Variants in MBNL2 observed in about 807,000 individuals in gnomAD.
MBNL2 encodes muscleblind-like protein 2.
A neutral mutation model predicts 41.9 loss-of-function variants in MBNL2; 17 were observed. That is an observed-to-expected ratio of 0.41 (90% CI 0.28 to 0.61). The LOEUF (loss-of-function observed/expected upper bound fraction) is 0.61, where lower values mean the gene tolerates loss of function less well. Ranked by LOEUF, MBNL2 falls within the 20% of genes least tolerant of loss-of-function variation. MBNL2 has a pLI of 0.35. For missense variants in MBNL2, 336 were observed against 505.6 expected (o/e 0.66, Z 3.22); for synonymous variants, 195 against 182.9 (o/e 1.07, Z -0.53).
the MBNL2 span, among the ~76,000 whole-genome samples, chr13:97,160,332 T>A: frequency 6.6e-6 from 1 of 152,172 alleles, no homozygotes; most frequent in African/African-American, 2.4e-5. Context: ...AAGAAGCCCC[T>A]CCAATAAATC....
intron 8 of MBNL2, among the ~76,000 whole-genome samples, chr13:97,381,263 G>A (rs918422549): frequency 3.3e-5 from 5 of 152,104 alleles, no homozygotes; most frequent in Admixed American, 6.6e-5. Flanking sequence ...AAAGACACAT[G>A]TCCAAGTCCA....
At chr13:97,257,014 A>AT (rs1256800466) in intron 1 of MBNL2, among the ~76,000 whole-genome samples, 2 of 152,224 alleles carry the variant, frequency 1.3e-5, no homozygotes, top group Non-Finnish European at 2.9e-5. Flanking sequence ...TGGCAAAATA[A>AT]TACTTTAAAT....
At chr13:97,365,825 A>G (rs1046395235) in intron 8 of MBNL2, among the ~76,000 whole-genome samples, 1 of 152,178 alleles carries the variant, frequency 6.6e-6, no homozygotes, top group African/African-American at 2.4e-5. Context: ...AGTCAAGAAA[A>G]AGAAACATTG....
chr13:97,149,889 G>A, the MBNL2 span, among the ~76,000 whole-genome samples: 3 of 152,134 alleles, frequency 2.0e-5, no homozygotes, highest in East Asian at 1.9e-4. Context: ...CAGGGGAGTC[G>A]TTCTCCCAGA....
the MBNL2 span, among the ~76,000 whole-genome samples, chr13:97,208,157 A>G: frequency 6.6e-6 from 1 of 152,210 alleles, no homozygotes; most frequent in Non-Finnish European, 1.5e-5. Flanking sequence ...TTCTTGCAGG[A>G]CTTCTCAAAG....
chr13:97,313,456 A>T (rs567479210), intron 2 of MBNL2, among the ~76,000 whole-genome samples: 12 of 152,308 alleles, frequency 7.9e-5, no homozygotes, highest in Non-Finnish European at 1.6e-4. Flanking sequence ...TTTAAAAAAG[A>T]TCTTATTGAA....
the MBNL2 span, among the ~76,000 whole-genome samples, chr13:97,198,667 G>T: frequency 6.6e-6 from 1 of 151,594 alleles, no homozygotes; most frequent in Non-Finnish European, 1.5e-5. Flanking sequence ...CTTCTCATTC[G>T]CAGTAAATGG....
chr13:97,253,641 CAT>C (rs909671663), intron 1 of MBNL2, among the ~76,000 whole-genome samples: 29 of 152,120 alleles, frequency 1.9e-4, no homozygotes, highest in African/African-American at 7.0e-4. Flanking sequence ...GAAAATTAAA[CAT>C]GTTTCAAATT....
chr13:97,365,811 T>G (rs1305832988), intron 8 of MBNL2, among the ~76,000 whole-genome samples: 2 of 152,134 alleles, frequency 1.3e-5, no homozygotes, highest in Non-Finnish European at 2.9e-5. Context: ...TTAGATCTAT[T>G]TAGAGTCAAG....
At chr13:97,277,918 G>T (rs1444833292) in intron 2 of MBNL2, among the ~76,000 whole-genome samples, 1 of 152,120 alleles carries the variant, frequency 6.6e-6, no homozygotes, top group Non-Finnish European at 1.5e-5. Context: ...AAACAAGTCT[G>T]TATTTGCCTC....
At chr13:97,256,897 A>G (rs1408348904) in intron 1 of MBNL2, among the ~76,000 whole-genome samples, 1 of 152,248 alleles carries the variant, frequency 6.6e-6, no homozygotes, top group Non-Finnish European at 1.5e-5. Context: ...AACAAGACAC[A>G]TTTCAGTAAG....
At chr13:97,261,410 G>A (rs951962843) in intron 1 of MBNL2, among the ~76,000 whole-genome samples, 3 of 151,970 alleles carry the variant, frequency 2.0e-5, no homozygotes, top group Admixed American at 6.5e-5. Flanking sequence ...CTCAACTGCC[G>A]TCACCTCCAT....
intron 2 of MBNL2, among the ~76,000 whole-genome samples, chr13:97,303,080 A>C (rs1288881615): frequency 6.6e-6 from 1 of 152,144 alleles, no homozygotes; most frequent in Admixed American, 6.5e-5. Context: ...TGCACTCTTC[A>C]TATGTGGCTT....
chr13:97,150,836 A>G, the MBNL2 span, among the ~76,000 whole-genome samples: 171 of 152,332 alleles, frequency 1.1e-3, no homozygotes, highest in African/African-American at 3.9e-3. Context: ...GTAGTTCAAG[A>G]CAGGTAACCT....
At chr13:97,262,477 A>C (rs373694568) in intron 1 of MBNL2, among the ~76,000 whole-genome samples, 1 of 151,360 alleles carries the variant, frequency 6.6e-6, no homozygotes, top group African/African-American at 2.4e-5. Context: ...GGTTTGCCTT[A>C]CTCCTCTTCC....
Position 97,334,437 on chromosome 13 carries a change from A to G in MBNL2, c.336A>G (p.Pro112=). 6.2e-7 allele frequency: 1 copy of G among 1,609,094 alleles called. No homozygotes were observed. Among genetic ancestry groups the G allele is most frequent in the Non-Finnish European group, 8.5e-7 (1 of 1,176,924 alleles). Residue 112 remains proline, a synonymous_variant, in exon 3 of 9, where the codon CCA becomes CCG. Transcript: ENST00000679496. The surrounding 1 kb of genome is among the most constrained non-coding windows in gnomAD (Gnocchi z 5.3). ...QFMFPGTPLH[P]VPTFPVGPAI... is the part of the protein sequence containing the mutation. ...TGTTTCCAGGAACACCACTTCATCC[A>G]GTGGTGAGTACATCTTTATTCAGTG... is the stretch of plus-strand genomic sequence containing the variant.
intron 2 of MBNL2, among the ~76,000 whole-genome samples, chr13:97,311,311 A>C (rs1216910488): frequency 6.6e-6 from 1 of 152,212 alleles, no homozygotes; most frequent in African/African-American, 2.4e-5. Flanking sequence ...CCATAAGAAC[A>C]ATCAGGAGAT....
intron 1 of MBNL2, among the ~76,000 whole-genome samples, chr13:97,267,088 C>G (rs916681322): frequency 6.6e-6 from 1 of 152,154 alleles, no homozygotes; most frequent in Non-Finnish European, 1.5e-5. Flanking sequence ...ATGTTTTTCC[C>G]TTAAAAAATG....
chr13:97,277,086 A>G (rs1001224334), intron 2 of MBNL2, among the ~76,000 whole-genome samples: 6 of 152,198 alleles, frequency 3.9e-5, no homozygotes, highest in Non-Finnish European at 7.3e-5. Flanking sequence ...AAACATTTCT[A>G]TGGAGTCCAT....
Sources: gnomAD v4.1 joint callset for allele counts (sites outside exome capture counted in the v4.1 genomes callset) on GRCh38, gnomAD v4.1.1 for gene constraint, Gnocchi (gnomAD v3.1) non-coding constraint, MANE v1.5 for transcripts, NCBI Gene and HGNC (gene_info 2026-07-23, HGNC 2026-07-21) for gene names.